The following ACTR3B variants were observed in gnomAD, a reference collection of about 807,000 sequenced individuals.
ACTR3B encodes actin-related protein 3B.
Under a neutral mutation model 59.0 loss-of-function variants are expected in ACTR3B, and 8 were observed. The ratio of observed to expected loss-of-function variants is 0.14; its 90% CI spans 0.08 to 0.24. ACTR3B has a LOEUF of 0.24. Ranked by LOEUF, ACTR3B falls within the 10% of genes least tolerant of loss-of-function variation. The pLI is 1.00. For synonymous variants in ACTR3B, 148 were observed against 197.9 expected (o/e 0.75, Z 2.12); for missense variants, 245 against 552.3 (o/e 0.44, Z 5.58).
At chr7:152,832,197 T>C (rs1207773081) in intron 9 of ACTR3B, among the ~76,000 whole-genome samples, 4 of 151,964 alleles carry the variant, frequency 2.6e-5, no homozygotes, top group African/African-American at 9.7e-5. Context: ...TTCTTGCTGC[T>C]TATCTAGGAG....
intron 1 of ACTR3B, among the ~76,000 whole-genome samples, chr7:152,782,316 G>C (rs1404047573): frequency 3.3e-5 from 5 of 151,078 alleles, no homozygotes; most frequent in Non-Finnish European, 5.9e-5. Context: ...AATTAGAGTA[G>C]TCCTAATAAG....
At chr7:152,770,378 A>T (rs1445954570) in intron 1 of ACTR3B, among the ~76,000 whole-genome samples, 5 of 152,118 alleles carry the variant, frequency 3.3e-5, no homozygotes, top group African/African-American at 1.2e-4. Context: ...CTAGGAGCTG[A>T]TGGATGAATA....
chr7:152,763,875 T>C (rs2098099130), intron 1 of ACTR3B, among the ~76,000 whole-genome samples: 3 of 152,216 alleles, frequency 2.0e-5, no homozygotes, highest in Non-Finnish European at 4.4e-5. Flanking sequence ...TCTGTATGAG[T>C]TGTCGTTCTG....
intron 2 of ACTR3B, among the ~76,000 whole-genome samples, chr7:152,794,512 G>A (rs1015682224): frequency 5.9e-5 from 9 of 152,182 alleles, no homozygotes; most frequent in Admixed American, 2.0e-4. Flanking sequence ...CACTGTGCCC[G>A]GCTATCTTTA....
chr7:152,781,050 GGGATTTGAACTCAGTGT>G (rs1299881997), intron 1 of ACTR3B, among the ~76,000 whole-genome samples: 2 of 151,828 alleles, frequency 1.3e-5, no homozygotes, highest in Admixed American at 1.3e-4. Context: ...TAGTGGGGCT[GGGATTTGAACTCAGTGT>G]GGTGCCAAAG....
intron 2 of ACTR3B, among the ~76,000 whole-genome samples, chr7:152,784,395 A>G (rs189552678): frequency 6.6e-6 from 1 of 152,194 alleles, no homozygotes; most frequent in Non-Finnish European, 1.5e-5. Flanking sequence ...GGGTATTCAC[A>G]TCACTAGAAA....
chr7:152,829,919 C>T (rs1411731279), intron 9 of ACTR3B, among the ~76,000 whole-genome samples: 1 of 152,134 alleles, frequency 6.6e-6, no homozygotes, highest in African/African-American at 2.4e-5. Context: ...CTACTAGGTA[C>T]AAGACACTGT....
At chr7:152,767,241 A>AGG (rs1420258393) in intron 1 of ACTR3B, among the ~76,000 whole-genome samples, 5 of 151,996 alleles carry the variant, frequency 3.3e-5, no homozygotes, top group African/African-American at 1.2e-4. Flanking sequence ...ATCTCAACAT[A>AGG]ATTTATGGAA....
At chr7:152,850,381 C>T (rs1300464011) in intron 9 of ACTR3B, among the ~76,000 whole-genome samples, 2 of 152,076 alleles carry the variant, frequency 1.3e-5, no homozygotes, top group East Asian at 1.9e-4. Flanking sequence ...CTGGTGGCTT[C>T]TCCAGGTAGA....
intron 9 of ACTR3B, among the ~76,000 whole-genome samples, chr7:152,845,765 A>G (rs550434776): frequency 6.6e-6 from 1 of 152,350 alleles, no homozygotes; most frequent in Non-Finnish European, 1.5e-5. Context: ...ATGATCTGCC[A>G]TCGGCCAGGG....
At chr7:152,837,597 GC>G (rs2116940404) in intron 9 of ACTR3B, among the ~76,000 whole-genome samples, 1 of 152,352 alleles carries the variant, frequency 6.6e-6, no homozygotes, top group South Asian at 2.1e-4. Flanking sequence ...TCCTGATCCC[GC>G]CCCTCAGCTG....
chr7:152,815,315 A>T (rs188292888), intron 5 of ACTR3B, among the ~76,000 whole-genome samples: 2 of 152,236 alleles, frequency 1.3e-5, no homozygotes, highest in Non-Finnish European at 2.9e-5. Context: ...CACAGCGCCT[A>T]TCAGCACAGT....
rs187130615 is a variant in ACTR3B, at chr7:152,777,004, T to C, written c.45-6183T>C. Among the ~76,000 whole-genome samples, 3 of 152,344 alleles carry C rather than the reference T, an allele frequency of 2.0e-5. No homozygotes were observed. The East Asian group carries it at 5.8e-4, about 29-fold the overall frequency. On this transcript the variant is annotated intron_variant, in intron 1 of 11. Coordinates refer to ENST00000256001, the MANE Select transcript of ACTR3B (RefSeq NM_020445.6). ...GGTTCTGGTGGTGGTTTTGCTATTA[T>C]AGTGCTTCACCGAACATTTTTGTGT...
intron 1 of ACTR3B, among the ~76,000 whole-genome samples, chr7:152,761,888 G>A (rs767080237): frequency 1.3e-5 from 2 of 152,180 alleles, no homozygotes; most frequent in Non-Finnish European, 2.9e-5. Flanking sequence ...GTCACCCTGA[G>A]CTTTAGCCCA....
chr7:152,809,547 T>G (rs67549632), intron 4 of ACTR3B, among the ~76,000 whole-genome samples: 80,777 of 151,628 alleles, frequency 0.53, 23,350 homozygotes, highest in East Asian at 0.72. Flanking sequence ...CTTTTTTTTT[T>G]TTGTTTTTTT....
chr7:152,827,281 C>T (rs980192014), intron 9 of ACTR3B, among the ~76,000 whole-genome samples: 2 of 151,860 alleles, frequency 1.3e-5, no homozygotes, highest in Non-Finnish European at 2.9e-5. Context: ...TTCCCTCAGC[C>T]GTCTTGGTTT....
intron 9 of ACTR3B, among the ~76,000 whole-genome samples, chr7:152,835,072 C>A (rs1477422472): frequency 6.6e-6 from 1 of 151,562 alleles, no homozygotes; most frequent in Non-Finnish European, 1.5e-5. Flanking sequence ...TTTTTAGAAT[C>A]GATCATATTG....
chr7:152,785,355 AT>A (rs1201699812), intron 2 of ACTR3B, among the ~76,000 whole-genome samples: 1 of 84,244 alleles, frequency 1.2e-5, no homozygotes, highest in East Asian at 4.2e-4. Context: ...GAACAGTTAC[AT>A]TGTTGGGCTG....
intron 1 of ACTR3B, among the ~76,000 whole-genome samples, chr7:152,763,543 C>G (rs976225359): frequency 6.6e-6 from 1 of 151,874 alleles, no homozygotes; most frequent in African/African-American, 2.4e-5. Flanking sequence ...CCTGCTTCAG[C>G]CTCATGGGTA....
Sources: allele counts gnomAD v4.1 joint callset (sites outside exome capture counted in the v4.1 genomes callset), GRCh38; gene constraint gnomAD v4.1.1; transcripts MANE v1.5; gene names NCBI Gene and HGNC (gene_info 2026-07-23, HGNC 2026-07-21).